FNDC3B: variants seen among roughly 807,000 people sequenced by gnomAD.
The protein encoded by FNDC3B is fibronectin type III domain-containing protein 3B.
Under a neutral mutation model 151.5 loss-of-function variants are expected in FNDC3B, and 12 were observed. The ratio of observed to expected loss-of-function variants is 0.08; its 90% CI spans 0.05 to 0.13. The LOEUF (loss-of-function observed/expected upper bound fraction) is 0.13. FNDC3B is among the 10% of genes least tolerant of loss of function. The pLI, the probability that FNDC3B is intolerant of heterozygous loss-of-function variation, is 1.00. For synonymous variants in FNDC3B, 528 were observed against 549.0 expected (o/e 0.96, Z 0.54); for missense variants, 1,214 against 1,505.3 (o/e 0.81, Z 3.20).
chr3:172,133,529 C>T lies in FNDC3B; in HGVS notation c.170C>T (p.Thr57Ile). The change falls in exon 3 of 26, where the codon ACA becomes ATA. Residue 57 changes from threonine to isoleucine, a missense_variant. Around this residue, in one of 7 missense-constraint regions of FNDC3B, gnomAD observed 113 missense variants for 177.8 expected, o/e 0.64. Coordinates refer to ENST00000415807, the MANE Select transcript of FNDC3B (RefSeq NM_022763.4). ...ETFTIRAEDG[T>I]LQCIQGPAEV... ...TTCACAATAAGAGCAGAGGATGGAA[C>T]ACTTCAGTGCATTCAAGGTAAGGAC... The T allele has an allele frequency of 1.9e-6, 3 of 1,611,042 alleles. No homozygotes were observed. The highest frequency in any genetic ancestry group is 2.5e-6 in the Non-Finnish European group (3 of 1,177,442).
chr3:172,329,101 C>T (rs1732503918), intron 12 of FNDC3B, 25 bp downstream of exon 12: 3 of 1,591,820 alleles, frequency 1.9e-6, no homozygotes, highest in Non-Finnish European at 1.7e-6. Context: ...TGTCCTCTTG[C>T]CCTTCAGCCT....
chr3:172,313,865 CAG>C (rs1186345146), intron 11 of FNDC3B, among the ~76,000 whole-genome samples: 1 of 152,194 alleles, frequency 6.6e-6, no homozygotes, highest in African/African-American at 2.4e-5. Flanking sequence ...AAGTTTCTGA[CAG>C]AACAGTCTGG....
At chr3:172,045,373 G>A (rs1391740284) in intron 1 of FNDC3B, among the ~76,000 whole-genome samples, 2 of 152,176 alleles carry the variant, frequency 1.3e-5, no homozygotes, top group South Asian at 2.1e-4. Flanking sequence ...CTGGGCTAGT[G>A]TTGCTGAAGT....
chr3:172,270,680 A>G (rs1419059268), intron 6 of FNDC3B, among the ~76,000 whole-genome samples: 1 of 152,160 alleles, frequency 6.6e-6, no homozygotes. Flanking sequence ...CATTTTCTAT[A>G]TTCTCCTGCA....
chr3:172,041,385 T>TTTTC (rs71178256), intron 1 of FNDC3B, among the ~76,000 whole-genome samples: 9 of 140,074 alleles, frequency 6.4e-5, no homozygotes, highest in Non-Finnish European at 1.6e-5. Flanking sequence ...CTTTCTTTCT[T>TTTTC]TTTCTTTCTT....
At chr3:172,263,586 G>GT (rs35762662) in intron 6 of FNDC3B, among the ~76,000 whole-genome samples, 13,418 of 101,328 alleles carry the variant, frequency 0.13, 1,420 homozygotes, top group East Asian at 0.44. Context: ...GCTATCAAGT[G>GT]TTTTTTTTTT....
Position 172,334,933 on chromosome 3 carries a change from T to G in FNDC3B, c.1642-11T>G. On this transcript the variant is annotated splice_polypyrimidine_tract_variant and intron_variant, in intron 14 of 25. Coordinates refer to ENST00000415807, the MANE Select transcript of FNDC3B (RefSeq NM_022763.4). Reference sequence around the variant, plus strand: ...CTAAATCATGTTAACGTTTCCTTGGTTGTGTTCTAGCTGACTGCTTCTAAT... The same window carrying G: ...CTAAATCATGTTAACGTTTCCTTGGGTGTGTTCTAGCTGACTGCTTCTAAT... 1 of 1,608,020 alleles carries G rather than the reference T, an allele frequency of 6.2e-7. No individual in the cohort carries two copies. The highest frequency in any genetic ancestry group is 8.5e-7 in the Non-Finnish European group (1 of 1,177,772).
At chr3:172,199,442 G>T (rs1048553457) in intron 3 of FNDC3B, among the ~76,000 whole-genome samples, 1 of 151,918 alleles carries the variant, frequency 6.6e-6, no homozygotes, top group Non-Finnish European at 1.5e-5. Flanking sequence ...GCCTCCCAAA[G>T]TGCTGGGATT....
chr3:172,234,185 C>T (rs1727025509), intron 4 of FNDC3B, among the ~76,000 whole-genome samples: 1 of 152,136 alleles, frequency 6.6e-6, no homozygotes, highest in South Asian at 2.1e-4. Flanking sequence ...GAAACGAGGG[C>T]CCAAGCGAGG....
intron 7 of FNDC3B, among the ~76,000 whole-genome samples, chr3:172,292,274 A>G (rs1279405737): frequency 6.6e-6 from 1 of 152,226 alleles, no homozygotes; most frequent in East Asian, 1.9e-4. Context: ...TCCTTTGAGA[A>G]TGATGCTGAG....
intron 21 of FNDC3B, among the ~76,000 whole-genome samples, chr3:172,351,042 C>A (rs1733827756): frequency 6.6e-6 from 1 of 152,190 alleles, no homozygotes; most frequent in South Asian, 2.1e-4. Flanking sequence ...GTATCAAGTA[C>A]AGTTGCCAGA....
At chr3:172,116,372 C>A (rs1179005779) in intron 2 of FNDC3B, among the ~76,000 whole-genome samples, 2 of 152,146 alleles carry the variant, frequency 1.3e-5, no homozygotes, top group African/African-American at 4.8e-5. Flanking sequence ...AATTTTAGAA[C>A]ATTTTTATCA....
chr3:172,159,839 G>C (rs374337442), intron 3 of FNDC3B, among the ~76,000 whole-genome samples: 1 of 152,210 alleles, frequency 6.6e-6, no homozygotes, highest in African/African-American at 2.4e-5. Context: ...CTCATCTGCT[G>C]TACTGAAGCC....
At chr3:172,325,174 C>A (rs1560078654) in intron 11 of FNDC3B, among the ~76,000 whole-genome samples, 2 of 152,248 alleles carry the variant, frequency 1.3e-5, no homozygotes, top group African/African-American at 4.8e-5. Context: ...ATTTCTACTG[C>A]AGCCATATTT....
chr3:172,076,095 A>G (rs1431716316), intron 1 of FNDC3B, among the ~76,000 whole-genome samples: 1 of 152,192 alleles, frequency 6.6e-6, no homozygotes, highest in Non-Finnish European at 1.5e-5. Context: ...ACTCATCACC[A>G]TACTGGTCGG....
chr3:172,211,124 A>G (rs1316101973), intron 3 of FNDC3B, among the ~76,000 whole-genome samples: 2 of 152,256 alleles, frequency 1.3e-5, no homozygotes, highest in Non-Finnish European at 2.9e-5. Flanking sequence ...AACTTTAAAT[A>G]TTTTAATGAT....
Position 172,184,554 on chromosome 3 carries a change from C to T in FNDC3B, c.188-42317C>T, listed in dbSNP as rs184532921. On this transcript the variant is annotated intron_variant, in intron 3 of 25. Coordinates refer to ENST00000415807, the MANE Select transcript of FNDC3B (RefSeq NM_022763.4). ...GACAAAAACCCCCTCAAATCCAGGA[C>T]CTATCAAGTTTCATATCTTCATTGA... Among the ~76,000 whole-genome samples the T allele has an allele frequency of 2.6e-5, 4 of 152,238 alleles. No individual in the cohort carries two copies. In the East Asian group the frequency reaches 5.8e-4, roughly 22 times the overall value.
chr3:172,196,616 C>A (rs1366830193), intron 3 of FNDC3B, among the ~76,000 whole-genome samples: 1 of 152,084 alleles, frequency 6.6e-6, no homozygotes, highest in Non-Finnish European at 1.5e-5. Context: ...GCTGACATTT[C>A]AGGTCACATT....
At chr3:172,189,901 T>A (rs976103784) in intron 3 of FNDC3B, among the ~76,000 whole-genome samples, 1 of 152,022 alleles carries the variant, frequency 6.6e-6, no homozygotes, top group African/African-American at 2.4e-5. Context: ...TTAATTGTGA[T>A]CTTTTATTAT....
Sources: gnomAD v4.1 joint callset for allele counts (sites outside exome capture counted in the v4.1 genomes callset) on GRCh38, gnomAD v4.1.1 for gene constraint, gnomAD v4.1.1 regional missense constraint, MANE v1.5 for transcripts, NCBI Gene and HGNC (gene_info 2026-07-23, HGNC 2026-07-21) for gene names.